GPBP1: variants seen among roughly 807,000 people sequenced by gnomAD.
The protein encoded by GPBP1 is GC-rich promoter binding protein 1, also known as vasculin.
A neutral mutation model predicts 56.5 loss-of-function variants in GPBP1; 13 were observed. The ratio of observed to expected loss-of-function variants is 0.23; its 90% CI spans 0.15 to 0.37. GPBP1 has a LOEUF of 0.37. GPBP1 is among the 10% of genes least tolerant of loss of function. GPBP1 has a pLI of 1.00. For missense variants in GPBP1, 477 were observed against 572.3 expected, an observed-to-expected ratio of 0.83 and a Z score of 1.70; for synonymous variants, 204 against 188.9, an observed-to-expected ratio of 1.08 and a Z score of -0.66.
chr5:57,200,865 A>AGAT (rs1031643902), intron 2 of GPBP1, among the ~76,000 whole-genome samples: 1 of 152,012 alleles, frequency 6.6e-6, no homozygotes, highest in Non-Finnish European at 1.5e-5. Flanking sequence ...TTTTTAGTAG[A>AGAT]GATGGGGTAT....
intron 3 of GPBP1, among the ~76,000 whole-genome samples, chr5:57,217,248 T>C (rs1417552036): frequency 6.6e-6 from 1 of 152,090 alleles, no homozygotes; most frequent in Admixed American, 6.6e-5. Flanking sequence ...TTGATGGGCC[T>C]TCCCTCCAGC....
rs372352194 is a variant in GPBP1, at chr5:57,181,720, G to A, written c.-58+5320G>A. ...TTACAGGTGTGAGCCACCATGCCAGGCCGAGACAGTGGTTTCTGAGAATTC... is the reference window on the plus strand; with the variant it reads ...TTACAGGTGTGAGCCACCATGCCAGACCGAGACAGTGGTTTCTGAGAATTC... On this transcript the variant is annotated intron_variant, in intron 2 of 11. Transcript: ENST00000506184. 1.5e-3 allele frequency among the ~76,000 whole-genome samples: 221 copies of A among 152,254 alleles called. 2 individuals are homozygous for A. The highest frequency in any genetic ancestry group is 5.1e-3 in the African/African-American group (211 of 41,560).
Position 57,189,464 on chromosome 5 carries a change from G to A in GPBP1, c.-58+13064G>A, listed in dbSNP as rs573636095. Among the ~76,000 whole-genome samples, 21 of 152,244 alleles carry A rather than the reference G, an allele frequency of 1.4e-4. No individual in the cohort carries two copies. The East Asian group carries it at 4.1e-3, about 29-fold the overall frequency. ...GTAGAGACAGGGTTTTACTATGTTG[G>A]ACAGGCAGGTCTCGAACTCCTGGCC... On this transcript the variant is annotated intron_variant, in intron 2 of 11. Coordinates refer to ENST00000506184, the MANE Select transcript of GPBP1 (RefSeq NM_022913.4).
At chr5:57,236,905 A>C (rs1486271193) in intron 6 of GPBP1, 1 of 540,466 alleles carries the variant, frequency 1.9e-6, no homozygotes, top group Non-Finnish European at 3.3e-6. Flanking sequence ...CTAACAGTAA[A>C]GGCATTATTT....
At chr5:57,222,043 G>GT (rs201112985) in intron 3 of GPBP1, among the ~76,000 whole-genome samples, 91 of 150,124 alleles carry the variant, frequency 6.1e-4, no homozygotes, top group Admixed American at 1.9e-3. Context: ...TTTTTGTTTT[G>GT]TTTTTTTTGT....
At chr5:57,217,178 A>G (rs1281099110) in intron 3 of GPBP1, among the ~76,000 whole-genome samples, 1 of 152,110 alleles carries the variant, frequency 6.6e-6, no homozygotes, top group East Asian at 1.9e-4. Context: ...ATAGCGGCGT[A>G]TTCTGATAAA....
intron 2 of GPBP1, among the ~76,000 whole-genome samples, chr5:57,191,014 G>T (rs1008301296): frequency 6.6e-6 from 1 of 152,050 alleles, no homozygotes; most frequent in Non-Finnish European, 1.5e-5. Context: ...GGGTTCAAGT[G>T]ATCTGCCCGC....
At chr5:57,193,779 A>G (rs1246789330) in intron 2 of GPBP1, among the ~76,000 whole-genome samples, 1 of 152,150 alleles carries the variant, frequency 6.6e-6, no homozygotes, top group Non-Finnish European at 1.5e-5. Flanking sequence ...AAAATGGATT[A>G]AGAGTTTAAG....
intron 2 of GPBP1, among the ~76,000 whole-genome samples, chr5:57,204,243 T>G (rs962618761): frequency 6.6e-6 from 1 of 151,722 alleles, no homozygotes; most frequent in African/African-American, 2.4e-5. Context: ...TTACAGCTTG[T>G]TTTTTTTGTT....
chr5:57,229,073 A>G (rs545224669), intron 3 of GPBP1, among the ~76,000 whole-genome samples: 12 of 151,818 alleles, frequency 7.9e-5, no homozygotes, highest in South Asian at 4.2e-4. Context: ...TCTACTAAAA[A>G]TATAAAAATT....
chr5:57,191,210 A>G (rs953020753), intron 2 of GPBP1, among the ~76,000 whole-genome samples: 1 of 151,314 alleles, frequency 6.6e-6, no homozygotes, highest in Non-Finnish European at 1.5e-5. Flanking sequence ...CTCAGCTCCC[A>G]AGTAGCTGGA....
intron 2 of GPBP1, among the ~76,000 whole-genome samples, chr5:57,182,685 C>A (rs1363318579): frequency 6.6e-6 from 1 of 150,790 alleles, no homozygotes. Context: ...CTCTTTAATT[C>A]TTATTTATTT....
intron 3 of GPBP1, chr5:57,221,248 C>T: frequency 1.6e-6 from 1 of 612,840 alleles, no homozygotes. Flanking sequence ...ACAGTCTTTT[C>T]ATTTTCATGT....
At chr5:57,175,426 AT>A (rs111292211) in intron 1 of GPBP1, 21 bp from the exon 2 acceptor site, 9 of 398,004 alleles carry the variant, frequency 2.3e-5, no homozygotes, top group Non-Finnish European at 3.1e-5. Context: ...TCAGTATATA[AT>A]TTTTTTTATA....
intron 2 of GPBP1, among the ~76,000 whole-genome samples, chr5:57,203,701 G>A (rs1580001173): frequency 6.6e-6 from 1 of 152,310 alleles, no homozygotes; most frequent in Non-Finnish European, 1.5e-5. Flanking sequence ...GTAAACTGAA[G>A]AGGATGGAGT....
intron 6 of GPBP1, chr5:57,237,321 T>C: frequency 1.5e-6 from 1 of 656,482 alleles, no homozygotes; most frequent in Non-Finnish European, 2.7e-6. Context: ...AGAATGCCAG[T>C]GAGCGTTTGT....
At chr5:57,225,885 A>G (rs1756165079) in intron 3 of GPBP1, among the ~76,000 whole-genome samples, 1 of 152,218 alleles carries the variant, frequency 6.6e-6, no homozygotes, top group African/African-American at 2.4e-5. Context: ...CTAAATCTGC[A>G]TTTGAACACT....
At chr5:57,188,202 C>A (rs1012460444) in intron 2 of GPBP1, among the ~76,000 whole-genome samples, 1 of 150,944 alleles carries the variant, frequency 6.6e-6, no homozygotes, top group Non-Finnish European at 1.5e-5. Flanking sequence ...TGAGATCGCA[C>A]CACTGCACTC....
intron 10 of GPBP1, among the ~76,000 whole-genome samples, chr5:57,253,961 A>G (rs1045615609): frequency 6.6e-6 from 1 of 151,956 alleles, no homozygotes; most frequent in Admixed American, 6.6e-5. Context: ...TTTTTGAGGC[A>G]GGGTCTTATT....
Sources: gnomAD v4.1 joint callset for allele counts (sites outside exome capture counted in the v4.1 genomes callset) on GRCh38, gnomAD v4.1.1 for gene constraint, MANE v1.5 for transcripts, NCBI Gene and HGNC (gene_info 2026-07-23, HGNC 2026-07-21) for gene names.